FAAP20: variants seen among roughly 807,000 people sequenced by gnomAD.
FAAP20 encodes Fanconi anemia core complex-associated protein 20.
In FAAP20, 12 loss-of-function variants were observed where a neutral mutation model predicts 16.2. The ratio of observed to expected loss-of-function variants is 0.74; its 90% CI spans 0.48 to 1.20. The LOEUF is 1.20. Among genes scored for constraint, FAAP20 ranks in the 50% most tolerant of loss-of-function variants. The pLI, the probability that FAAP20 is intolerant of heterozygous loss-of-function variation, is 0.00. For missense variants in FAAP20, 288 were observed against 245.8 expected (o/e 1.17, Z -1.15); for synonymous variants, 141 against 110.7 (o/e 1.27, Z -1.72).
rs1687925064 is a variant in FAAP20, at chr1:2,189,597, A to C, written c.*112T>G. 3.5e-6 allele frequency: 3 copies of C among 851,152 alleles called. No homozygotes were observed. The East Asian group carries it at 7.5e-5, about 21-fold the overall frequency. 52.7% of individuals were successfully genotyped at this position (851,152 alleles called of 1,614,324 possible). On this transcript the variant is annotated 3_prime_UTR_variant, in exon 4 of 4. Coordinates refer to ENST00000378546, the MANE Select transcript of FAAP20 (RefSeq NM_182533.4). ...AGGAGCCCGCCCTGCTTTAATGCGC[A>C]TGCGGGGGAGCCGAGAGGCGGGGCT...
downstream of FAAP20, chr1:2,189,546 C>G (rs1687917041): frequency 3.1e-6 from 2 of 645,534 alleles, no homozygotes; most frequent in Non-Finnish European, 5.6e-6. Context: ...AAGCGGCAGA[C>G]GTTTCATCAC....
At chr1:2,186,294 C>T (rs988879125), downstream of FAAP20, 43 of 247,542 alleles carry the variant, frequency 1.7e-4, no homozygotes, top group African/African-American at 8.7e-4. Flanking sequence ...AGGTCTGTGC[C>T]GCGCCTTGCC....
chr1:2,189,175 A>G (rs997409951), downstream of FAAP20, among the ~76,000 whole-genome samples: 1 of 149,996 alleles, frequency 6.7e-6, no homozygotes, highest in South Asian at 2.1e-4. Context: ...TGTACAAAAA[A>G]TACTAAAAGT....
chr1:2,212,376 A>G (rs1569628687), exon 2 of FAAP20: 2 of 152,880 alleles, frequency 1.3e-5, no homozygotes, highest in East Asian at 3.9e-4. Flanking sequence ...AGGGGCCGAG[A>G]GAAGGAAGGA....
chr1:2,185,563 G>C (rs1471130026), downstream of FAAP20: 4 of 709,884 alleles, frequency 5.6e-6, no homozygotes, highest in Admixed American at 2.0e-5. Flanking sequence ...ACCCCGGTAA[G>C]TTCCTGTTGT....
At chr1:2,188,001 G>A (rs569039424), downstream of FAAP20, among the ~76,000 whole-genome samples, 2 of 152,350 alleles carry the variant, frequency 1.3e-5, no homozygotes, top group South Asian at 2.1e-4. Flanking sequence ...GAATCACAGT[G>A]TGTAGCATTT....
At chr1:2,209,552 C>T (rs1287408415), downstream of FAAP20, among the ~76,000 whole-genome samples, 2 of 152,246 alleles carry the variant, frequency 1.3e-5, no homozygotes, top group African/African-American at 2.4e-5. Flanking sequence ...CCCTGGCCTG[C>T]ACCCGGACCC....
chr1:2,200,534 G>C, upstream of FAAP20: 3 of 746,384 alleles, frequency 4.0e-6, no homozygotes, highest in Non-Finnish European at 4.9e-6. Context: ...GCCACCCAGA[G>C]CCTTTAGGCG....
intron 3 of FAAP20, chr1:2,192,820 A>AT (rs1223430379): frequency 1.7e-6 from 2 of 1,208,250 alleles, no homozygotes; most frequent in South Asian, 2.5e-5. Context: ...GGCTGGTCTC[A>AT]AACTCCTGGG....
At chr1:2,187,462 C>G (rs1461757808), downstream of FAAP20, among the ~76,000 whole-genome samples, 4 of 152,136 alleles carry the variant, frequency 2.6e-5, no homozygotes, top group East Asian at 7.7e-4. Flanking sequence ...CTGCCCCACG[C>G]CCGGCTAATT....
downstream of FAAP20, chr1:2,184,551 G>A (rs764199003): frequency 1.9e-5 from 30 of 1,570,580 alleles, no homozygotes; most frequent in Non-Finnish European, 2.3e-5. Flanking sequence ...ATGCCCGCGC[G>A]GAGCTGACCC....
In FAAP20 at chr1:2,194,012, C is replaced by A. The variant is rs1572116475; in HGVS notation, c.184G>T (p.Ala62Ser). The A allele has an allele frequency of 6.2e-7, 1 of 1,612,732 alleles. No homozygotes were observed. The highest frequency in any genetic ancestry group is 1.1e-5 in the South Asian group (1 of 91,064). Reference sequence around the variant, plus strand: ...AGTGGGCACACCTGTCCTGGGAAGGCGGGCAGTGAAGGCACCTCGTGATCC... The same window carrying A: ...AGTGGGCACACCTGTCCTGGGAAGGAGGGCAGTGAAGGCACCTCGTGATCC... The part of the protein sequence containing the change: ...ILDHEVPSLP[A>S]FPGQEPRCGP... Residue 62 changes from alanine (A) to serine (S), a missense_variant, in exon 2 of 4, where the codon GCC becomes TCC. By Grantham distance (99) the Ala-to-Ser change is moderately conservative (BLOSUM62 1). Coordinates refer to ENST00000378546, the MANE Select transcript of FAAP20 (RefSeq NM_182533.4).
chr1:2,211,427 A>AT (rs1689439874), downstream of FAAP20, among the ~76,000 whole-genome samples: 1 of 21,084 alleles, frequency 4.7e-5, no homozygotes, highest in Non-Finnish European at 7.0e-5. Flanking sequence ...ATATATATAT[A>AT]TATATATATT....
At chr1:2,201,878 G>A (rs547840549), upstream of FAAP20, among the ~76,000 whole-genome samples, 3 of 151,610 alleles carry the variant, frequency 2.0e-5, no homozygotes, top group Admixed American at 6.6e-5. Flanking sequence ...TTAGCTGGGC[G>A]TGCTGGTGGG....
At chr1:2,185,590 G>C (rs1687469959), downstream of FAAP20, 2 of 696,700 alleles carry the variant, frequency 2.9e-6, no homozygotes. Flanking sequence ...TGCAGAGTGT[G>C]TCCCAGCCGC....
intron 3 of FAAP20, 38 bp from the exon 4 acceptor site, chr1:2,189,819 C>A: frequency 2.0e-6 from 3 of 1,514,924 alleles, no homozygotes; most frequent in Non-Finnish European, 2.7e-6. Flanking sequence ...GCCACCTCCG[C>A]GGCATGCTGG....
Position 2,199,800 on chromosome 1 carries a change from G to A in FAAP20, n.108C>T, listed in dbSNP as rs149274460. ...TCTTGTAAGAAAAGGAAAATTGTCC[G>A]GGTGCAGTGTCTCACGCCTGCAATC... On this transcript the variant is annotated non_coding_transcript_exon_variant, in exon 1 of 4. Coordinates refer to the FAAP20 transcript ENST00000401813. This position sits in a 1 kb window ranked among gnomAD's most constrained non-coding sequence, Gnocchi z 4.5. 1,958 of 291,332 alleles carry A rather than the reference G, an allele frequency of 6.7e-3. 11 individuals are homozygous for A. Among genetic ancestry groups the A allele is most frequent in the Non-Finnish European group, 8.6e-3 (1,673 of 195,372 alleles). The allele number at this position is 291,332 out of a possible 1,614,324, so 18.0% of individuals were successfully genotyped here.
upstream of FAAP20, among the ~76,000 whole-genome samples, chr1:2,201,760 G>GT (rs576609531): frequency 2.9e-3 from 438 of 151,818 alleles, 3 homozygotes; most frequent in Non-Finnish European, 4.7e-3. Context: ...GCTCATGCCT[G>GT]TAATACCAGC....
upstream of FAAP20, chr1:2,198,942 A>G (rs1268066397): frequency 7.0e-6 from 9 of 1,289,510 alleles, no homozygotes; most frequent in Non-Finnish European, 9.1e-6. Flanking sequence ...CCTGGGAAAC[A>G]TCGCCAGATC....
Sources: gnomAD v4.1 joint callset for allele counts (sites outside exome capture counted in the v4.1 genomes callset) on GRCh38, gnomAD v4.1.1 for gene constraint, Gnocchi (gnomAD v3.1) non-coding constraint, MANE v1.5 for transcripts, NCBI Gene and HGNC (gene_info 2026-07-23, HGNC 2026-07-21) for gene names.